Variants in AVL9 observed in about 807,000 individuals in gnomAD.
The protein encoded by AVL9 is AVL9 cell migration associated, also known as late secretory pathway protein AVL9 homolog.
A neutral mutation model predicts 79.2 loss-of-function variants in AVL9; 49 were observed. That is an observed-to-expected ratio of 0.62 (90% CI 0.49 to 0.79). The LOEUF (loss-of-function observed/expected upper bound fraction) is 0.79, where lower values mean the gene tolerates loss of function less well. AVL9 is among the 30% of genes least tolerant of loss of function. The pLI is 0.00. For synonymous variants in AVL9, 299 were observed against 280.6 expected, an observed-to-expected ratio of 1.07 and a Z score of -0.65; for missense variants, 682 against 776.8, an observed-to-expected ratio of 0.88 and a Z score of 1.45.
At chr7:32,517,732 T>C (rs1051002166) in intron 1 of AVL9, among the ~76,000 whole-genome samples, 9 of 152,170 alleles carry the variant, frequency 5.9e-5, no homozygotes, top group African/African-American at 2.2e-4. Flanking sequence ...CCCTGCTAAA[T>C]ACTATAAGGT....
In AVL9 at chr7:32,495,650, G is replaced by C. The variant is rs971496948; in HGVS notation, c.-60G>C. On this transcript the variant is annotated 5_prime_UTR_variant, in exon 1 of 16. Coordinates refer to ENST00000318709, the MANE Select transcript of AVL9 (RefSeq NM_015060.3). Reference sequence around the variant, plus strand: ...TCCGCGGCTTTCCGCACACGGTGGGGTCGTCAGACCCGCTGCCCTTGGCGG... The same window carrying C: ...TCCGCGGCTTTCCGCACACGGTGGGCTCGTCAGACCCGCTGCCCTTGGCGG... 57 of 1,150,084 alleles carry C rather than the reference G, an allele frequency of 5.0e-5. No individual in the cohort carries two copies. Among genetic ancestry groups the C allele is most frequent in the Non-Finnish European group, 5.8e-5 (52 of 897,566 alleles). 71.2% of individuals were successfully genotyped at this position (1,150,084 alleles called of 1,614,324 possible). A position where few individuals can be genotyped will look rare whatever the true frequency, so the allele number is the denominator to read the frequency against.
At chr7:32,582,656 T>A (rs1379986218) in intron 15 of AVL9, among the ~76,000 whole-genome samples, 2 of 151,944 alleles carry the variant, frequency 1.3e-5, no homozygotes, top group Non-Finnish European at 2.9e-5. Flanking sequence ...ATAGTGGGAG[T>A]GTATTAGTCA....
intron 6 of AVL9, 50 bp from the exon 7 acceptor site, chr7:32,553,677 C>A (rs775744200): frequency 2.6e-5 from 38 of 1,438,176 alleles, no homozygotes; most frequent in Non-Finnish European, 3.5e-5. Flanking sequence ...CTTTCTGCAG[C>A]AAAAACATTA....
chr7:32,510,801 C>A (rs1787635999), intron 1 of AVL9, among the ~76,000 whole-genome samples: 1 of 117,048 alleles, frequency 8.5e-6, no homozygotes, highest in African/African-American at 3.2e-5. Context: ...AGTCCTGGCA[C>A]TTCTGAACTG....
rs1458383607 is a variant in AVL9, at chr7:32,529,115, T to C, written c.94-14026T>C. ...ATTAAAAACAGTATTTTGTCAGATTTACTTTAAAGATCTAATTGACTTTCA... is the reference window on the plus strand; with the variant it reads ...ATTAAAAACAGTATTTTGTCAGATTCACTTTAAAGATCTAATTGACTTTCA... On this transcript the variant is annotated intron_variant, in intron 1 of 15. Coordinates refer to ENST00000318709, the MANE Select transcript of AVL9 (RefSeq NM_015060.3). 2.0e-5 allele frequency among the ~76,000 whole-genome samples: 3 copies of C among 152,380 alleles called. No homozygotes were observed. The East Asian group carries it at 5.8e-4, about 29-fold the overall frequency.
intron 1 of AVL9, among the ~76,000 whole-genome samples, chr7:32,496,095 G>A (rs1010690680): frequency 1.3e-5 from 2 of 152,210 alleles, no homozygotes; most frequent in African/African-American, 4.8e-5. Flanking sequence ...TGGGAGGAAA[G>A]CATCGAAGAC....
At chr7:32,496,757 A>C (rs1187106835) in intron 1 of AVL9, among the ~76,000 whole-genome samples, 1 of 152,204 alleles carries the variant, frequency 6.6e-6, no homozygotes, top group East Asian at 1.9e-4. Flanking sequence ...TATTGGCAAA[A>C]ATTAAGTTCT....
intron 1 of AVL9, among the ~76,000 whole-genome samples, chr7:32,522,130 A>G (rs1788184670): frequency 6.6e-6 from 1 of 152,210 alleles, no homozygotes; most frequent in South Asian, 2.1e-4. Flanking sequence ...TGGAAGGGAA[A>G]TGTGGGGTTG....
chr7:32,505,265 C>T (rs75640643), intron 1 of AVL9, among the ~76,000 whole-genome samples: 51,025 of 151,672 alleles, frequency 0.34, 9,072 homozygotes, highest in East Asian at 0.48. Flanking sequence ...GTGGCTTACG[C>T]CTGTAATCCC....
chr7:32,505,717 GACTT>G (rs1787385203), intron 1 of AVL9, among the ~76,000 whole-genome samples: 2 of 151,902 alleles, frequency 1.3e-5, no homozygotes. Context: ...TTAATTTTGA[GACTT>G]ACAAGTATGT....
intron 1 of AVL9, chr7:32,536,822 T>A (rs1267992881): frequency 1.3e-5 from 2 of 152,192 alleles, no homozygotes; most frequent in Non-Finnish European, 2.9e-5. Flanking sequence ...AACTCTTCGC[T>A]TGCATTCACT....
At chr7:32,579,319 A>T (rs1479938252) in intron 13 of AVL9, among the ~76,000 whole-genome samples, 1 of 61,130 alleles carries the variant, frequency 1.6e-5, no homozygotes, top group East Asian at 5.2e-4. Flanking sequence ...TATTATATAT[A>T]TTTTATATAA....
In AVL9 at chr7:32,580,252, CATGA is replaced by C; in HGVS notation, c.1724_1727del (p.Met575SerfsTer2). On this transcript the variant is annotated frameshift_variant, in exon 14 of 16. Coordinates refer to ENST00000318709, the MANE Select transcript of AVL9 (RefSeq NM_015060.3). LOFTEE classifies it high-confidence loss of function. ...TTCAAGGCCAATACTCAGTATCAGA[CATGA>C]AGTTAAGGTTCTCACAGTAAGTACT... 6.2e-7 allele frequency: 1 copy of C among 1,612,230 alleles called. No homozygotes were observed. The highest frequency in any genetic ancestry group is 2.2e-5 in the East Asian group (1 of 44,712).
chr7:32,499,687 T>C (rs1248774667), intron 1 of AVL9, among the ~76,000 whole-genome samples: 1 of 152,098 alleles, frequency 6.6e-6, no homozygotes, highest in Non-Finnish European at 1.5e-5. Flanking sequence ...CATCAACCAG[T>C]CATCTAGATT....
At chr7:32,503,330 A>C (rs1485469863) in intron 1 of AVL9, among the ~76,000 whole-genome samples, 4 of 107,206 alleles carry the variant, frequency 3.7e-5, no homozygotes, top group South Asian at 3.9e-4. Context: ...ATATATATAT[A>C]TATCTATATA....
intron 15 of AVL9, among the ~76,000 whole-genome samples, chr7:32,582,769 T>TC (rs1364248260): frequency 6.6e-6 from 1 of 152,100 alleles, no homozygotes; most frequent in East Asian, 1.9e-4. Context: ...CTCACTGCAA[T>TC]CCCTGCAACC....
At chr7:32,510,858 A>G (rs1387956000) in intron 1 of AVL9, among the ~76,000 whole-genome samples, 3 of 110,546 alleles carry the variant, frequency 2.7e-5, no homozygotes, top group Non-Finnish European at 3.7e-5. Context: ...TTCATGAGCC[A>G]TCAGGTCTCG....
At chr7:32,528,219 G>T (rs148509326) in intron 1 of AVL9, among the ~76,000 whole-genome samples, 5 of 151,990 alleles carry the variant, frequency 3.3e-5, no homozygotes, top group Non-Finnish European at 4.4e-5. Flanking sequence ...GAGTTGTCTC[G>T]CTTTTCTAGA....
At chr7:32,565,571 AAG>A (rs1554345221) in intron 10 of AVL9, among the ~76,000 whole-genome samples, 5 of 149,846 alleles carry the variant, frequency 3.3e-5, no homozygotes, top group African/African-American at 7.5e-5. Context: ...AAAAAAAAAA[AAG>A]AAAGAAAGAA....
Sources: gnomAD v4.1 joint callset for allele counts (sites outside exome capture counted in the v4.1 genomes callset) on GRCh38, gnomAD v4.1.1 for gene constraint, MANE v1.5 for transcripts, NCBI Gene and HGNC (gene_info 2026-07-23, HGNC 2026-07-21) for gene names.